SNX6: variants seen among roughly 807,000 people sequenced by gnomAD.
SNX6 encodes the protein sorting nexin 6.
Under a neutral mutation model 63.0 loss-of-function variants are expected in SNX6, and 34 were observed. The observed-to-expected ratio is 0.54, with a 90% CI of 0.41 to 0.72. The LOEUF (loss-of-function observed/expected upper bound fraction) is 0.72. SNX6 is among the 30% of genes least tolerant of loss of function. SNX6 has a pLI of 0.00. For synonymous variants in SNX6, 170 were observed against 164.2 expected, an observed-to-expected ratio of 1.04 and a Z score of -0.27; for missense variants, 398 against 471.4, an observed-to-expected ratio of 0.84 and a Z score of 1.44.
At chr14:34,614,235 T>C (rs1000269946) in intron 2 of SNX6, among the ~76,000 whole-genome samples, 9 of 151,948 alleles carry the variant, frequency 5.9e-5, no homozygotes, top group Admixed American at 5.3e-4. Context: ...AAGACCAATC[T>C]AGGCAACATG....
chr14:34,579,846 A>AAAATAATACAT (rs1566470337), intron 10 of SNX6, among the ~76,000 whole-genome samples: 1 of 151,822 alleles, frequency 6.6e-6, no homozygotes, highest in Non-Finnish European at 1.5e-5. Context: ...AAAAGAAAGA[A>AAAATAATACAT]AAATAATACA....
chr14:34,577,387 C>T (rs935348833), intron 10 of SNX6, among the ~76,000 whole-genome samples: 18 of 152,088 alleles, frequency 1.2e-4, no homozygotes, highest in African/African-American at 4.3e-4. Context: ...CTGTGCCCAG[C>T]CTCTATTCAT....
intron 10 of SNX6, among the ~76,000 whole-genome samples, chr14:34,581,177 CAG>C (rs1490472867): frequency 6.6e-6 from 1 of 152,138 alleles, no homozygotes; most frequent in Non-Finnish European, 1.5e-5. Flanking sequence ...TTCTTTGAGA[CAG>C]AGTCTTGCTC....
At chr14:34,565,233 A>G (rs1178328688) in intron 13 of SNX6, among the ~76,000 whole-genome samples, 2 of 151,464 alleles carry the variant, frequency 1.3e-5, no homozygotes, top group African/African-American at 2.4e-5. Flanking sequence ...GCCCGCCACC[A>G]CGCCCGGCTA....
intron 6 of SNX6, among the ~76,000 whole-genome samples, chr14:34,601,810 G>A (rs1166856850): frequency 5.3e-5 from 8 of 150,524 alleles, no homozygotes; most frequent in Admixed American, 2.0e-4. Context: ...GGCCAGGCTC[G>A]TCTCGAACTC....
At chr14:34,610,773 T>C (rs1230932997) in intron 2 of SNX6, among the ~76,000 whole-genome samples, 1 of 152,158 alleles carries the variant, frequency 6.6e-6, no homozygotes, top group Non-Finnish European at 1.5e-5. Flanking sequence ...TTTTGAGACT[T>C]AGGAAAGAGT....
chr14:34,598,321 T>C (rs193157976), intron 6 of SNX6, among the ~76,000 whole-genome samples: 168 of 152,274 alleles, frequency 1.1e-3, no homozygotes, highest in African/African-American at 3.8e-3. Flanking sequence ...CACCTTTATG[T>C]AAATGACTCA....
intron 2 of SNX6, among the ~76,000 whole-genome samples, chr14:34,620,414 G>C (rs1042201283): frequency 6.6e-6 from 1 of 151,972 alleles, no homozygotes; most frequent in Admixed American, 6.6e-5. Context: ...CCAGGAGGTC[G>C]AGGCTGCAGT....
intron 5 of SNX6, among the ~76,000 whole-genome samples, chr14:34,603,698 A>G (rs1308164687): frequency 2.0e-5 from 3 of 152,224 alleles, no homozygotes; most frequent in Non-Finnish European, 2.9e-5. Flanking sequence ...CTAAATGTTA[A>G]TATTTTTAAG....
chr14:34,618,051 G>C (rs1883489038), intron 2 of SNX6, among the ~76,000 whole-genome samples: 1 of 152,158 alleles, frequency 6.6e-6, no homozygotes, highest in Non-Finnish European at 1.5e-5. Context: ...CAAATGTAGA[G>C]AGATGGATGA....
At chr14:34,579,630 T>A (rs1881857025) in intron 10 of SNX6, among the ~76,000 whole-genome samples, 1 of 151,864 alleles carries the variant, frequency 6.6e-6, no homozygotes, top group South Asian at 2.1e-4. Context: ...ATAAAGGAAC[T>A]ACATCTATGT....
intron 2 of SNX6, among the ~76,000 whole-genome samples, chr14:34,621,848 G>A (rs1883631288): frequency 6.6e-6 from 1 of 151,394 alleles, no homozygotes; most frequent in African/African-American, 2.4e-5. Context: ...CTGGACTGCT[G>A]CATTAGCCTG....
chr14:34,577,066 A>G (rs1187911627), intron 10 of SNX6, among the ~76,000 whole-genome samples: 1 of 151,800 alleles, frequency 6.6e-6, no homozygotes. Flanking sequence ...CAAAAAACAA[A>G]ACAAAAAAAA....
chr14:34,600,706 A>C (rs558590968), intron 6 of SNX6, among the ~76,000 whole-genome samples: 7 of 152,192 alleles, frequency 4.6e-5, no homozygotes, highest in African/African-American at 1.2e-4. Flanking sequence ...TCAGTAAAAA[A>C]TTTTTTGCCA....
intron 13 of SNX6, among the ~76,000 whole-genome samples, chr14:34,565,087 T>C (rs1226365326): frequency 6.6e-6 from 1 of 151,020 alleles, no homozygotes; most frequent in East Asian, 1.9e-4. Flanking sequence ...CTTTTTTTTT[T>C]TTTTTTTGGA....
intron 7 of SNX6, among the ~76,000 whole-genome samples, chr14:34,594,354 AATT>A (rs150868474): frequency 0.03 from 4,484 of 151,600 alleles, 190 homozygotes; most frequent in African/African-American, 0.097. Flanking sequence ...TAAAAATAAA[AATT>A]ATTATTATTA....
At chr14:34,572,359 A>G (rs929974703) in intron 11 of SNX6, among the ~76,000 whole-genome samples, 2 of 152,140 alleles carry the variant, frequency 1.3e-5, no homozygotes, top group Non-Finnish European at 2.9e-5. Flanking sequence ...AGGAGTTTGC[A>G]ACATAGTGAG....
chr14:34,573,994 TG>T (rs1287058521), intron 11 of SNX6, among the ~76,000 whole-genome samples: 1 of 152,080 alleles, frequency 6.6e-6, no homozygotes, highest in Non-Finnish European at 1.5e-5. Flanking sequence ...AGCGTATTTT[TG>T]TTTTATGGCA....
Position 34,563,324 on chromosome 14 carries a change from C to G in SNX6, c.1168-149G>C, listed in dbSNP as rs937397976. Reference sequence around the variant, plus strand: ...CTGTAATCCCAGCACTCTGGGAGGCCGAGGCGGGTGGATCACGAGGTCAGG... The same window carrying G: ...CTGTAATCCCAGCACTCTGGGAGGCGGAGGCGGGTGGATCACGAGGTCAGG... On this transcript the variant is annotated intron_variant, in intron 13 of 13. Coordinates refer to ENST00000362031, the MANE Select transcript of SNX6 (RefSeq NM_152233.4). 6 of 653,902 alleles carry G rather than the reference C, an allele frequency of 9.2e-6. No individual in the cohort carries two copies. In the Admixed American group the frequency reaches 1.5e-4, roughly 16 times the overall value. 40.5% of individuals were successfully genotyped at this position (653,902 alleles called of 1,614,324 possible).
Sources: gnomAD v4.1 joint callset for allele counts (sites outside exome capture counted in the v4.1 genomes callset) on GRCh38, gnomAD v4.1.1 for gene constraint, MANE v1.5 for transcripts, NCBI Gene and HGNC (gene_info 2026-07-23, HGNC 2026-07-21) for gene names.